Variants in RIMS2 observed in about 807,000 individuals in gnomAD.
RIMS2 encodes the protein regulating synaptic membrane exocytosis protein 2.
Under a neutral mutation model 174.4 loss-of-function variants are expected in RIMS2, and 59 were observed. That is an observed-to-expected ratio of 0.34 (90% confidence interval 0.27 to 0.42). The LOEUF (loss-of-function observed/expected upper bound fraction) is 0.42. RIMS2 is among the 10% of genes least tolerant of loss of function. RIMS2 has a pLI of 1.00. For missense variants in RIMS2, 1,620 were observed against 1,666.3 expected, an observed-to-expected ratio of 0.97 and a Z score of 0.48; for synonymous variants, 606 against 572.5, an observed-to-expected ratio of 1.06 and a Z score of -0.84.
chr8:103,748,120 A>G (rs968324777), intron 2 of RIMS2, among the ~76,000 whole-genome samples: 1 of 152,052 alleles, frequency 6.6e-6, no homozygotes, highest in Non-Finnish European at 1.5e-5. Context: ...TGGAGGATCT[A>G]AAAGAGTTTT....
chr8:104,223,462 G>T (rs1349897246), intron 19 of RIMS2: 1 of 1,375,858 alleles, frequency 7.3e-7, no homozygotes, highest in Non-Finnish European at 9.3e-7. Context: ...CAATAAATTG[G>T]AGGTCCCGGC....
chr8:103,736,754 A>T (rs749177537), intron 2 of RIMS2, among the ~76,000 whole-genome samples: 1 of 152,182 alleles, frequency 6.6e-6, no homozygotes, highest in Non-Finnish European at 1.5e-5. Flanking sequence ...AACATAATAT[A>T]ATGGCCTATA....
chr8:103,525,222 A>G (rs1341042839), intron 1 of RIMS2, among the ~76,000 whole-genome samples: 1 of 152,228 alleles, frequency 6.6e-6, no homozygotes. Context: ...GGGCTGGTAG[A>G]AAAACTTTGA....
chr8:104,121,448 AT>A (rs2098373112), intron 19 of RIMS2, among the ~76,000 whole-genome samples: 1 of 152,144 alleles, frequency 6.6e-6, no homozygotes, highest in Non-Finnish European at 1.5e-5. Flanking sequence ...TAATGGTAAT[AT>A]TTTGTCATGA....
At chr8:103,834,684 CTTTCTTTCTTTCTTTCTTTCTTT>C (rs2098849096) in intron 3 of RIMS2, among the ~76,000 whole-genome samples, 2 of 50,702 alleles carry the variant, frequency 3.9e-5, no homozygotes, top group Admixed American at 2.9e-4. Flanking sequence ...CTTTTTCTTT[CTTTCTTTCTTTCTTTCTTTCTTT>C]CTTTCTTTCT....
rs182717133 is a variant in RIMS2 at position 103,547,297 on chromosome 8, G to A, written c.176+46235G>A. On this transcript the variant is annotated intron_variant, in intron 1 of 23. Transcript: ENST00000504942. ...TCTCTAGAGCTCTGTATCTTGTCAC[G>A]CATTGCTGGCTTTCAACAAATGTTG... 5.3e-4 allele frequency among the ~76,000 whole-genome samples: 80 copies of A among 152,174 alleles called. 1 individual carries two copies. Among genetic ancestry groups the A allele is most frequent in the African/African-American group, 1.8e-3 (73 of 41,518 alleles).
intron 2 of RIMS2, among the ~76,000 whole-genome samples, chr8:103,757,905 C>G (rs1225412934): frequency 6.6e-6 from 1 of 152,194 alleles, no homozygotes; most frequent in Non-Finnish European, 1.5e-5. Flanking sequence ...AGACAAGGAA[C>G]TGGTTTTCCC....
chr8:104,151,162 T>A (rs1304571347), intron 19 of RIMS2, among the ~76,000 whole-genome samples: 1 of 152,202 alleles, frequency 6.6e-6, no homozygotes, highest in East Asian at 1.9e-4. Context: ...TTTACCTGAT[T>A]AAGTGACTGA....
At chr8:103,639,855 CATT>C (rs2096184652) in intron 1 of RIMS2, among the ~76,000 whole-genome samples, 3 of 151,832 alleles carry the variant, frequency 2.0e-5, no homozygotes, top group Non-Finnish European at 2.9e-5. Context: ...AACTTTGAGT[CATT>C]GTTGATATGC....
intron 19 of RIMS2, among the ~76,000 whole-genome samples, chr8:104,166,122 A>G (rs2135131395): frequency 7.3e-6 from 1 of 137,708 alleles, no homozygotes. Flanking sequence ...GCTGGAGTGC[A>G]GTGGCGTGAT....
intron 1 of RIMS2, among the ~76,000 whole-genome samples, chr8:103,677,940 T>C (rs1277219421): frequency 6.6e-6 from 1 of 152,206 alleles, no homozygotes; most frequent in Non-Finnish European, 1.5e-5. Flanking sequence ...TTTATTTATC[T>C]GTGCTTTGCT....
At chr8:103,507,478 C>T (rs189263272) in intron 1 of RIMS2, among the ~76,000 whole-genome samples, 22 of 152,018 alleles carry the variant, frequency 1.4e-4, no homozygotes, top group Admixed American at 1.3e-3. Flanking sequence ...GGTGAATGAA[C>T]GCACATTGGG....
intron 19 of RIMS2, among the ~76,000 whole-genome samples, chr8:104,100,963 T>TGATATAG (rs1555225608): frequency 1.6e-5 from 2 of 125,714 alleles, no homozygotes; most frequent in Non-Finnish European, 3.3e-5. Context: ...ATATGATATA[T>TGATATAG]TATATAGTAT....
intron 19 of RIMS2, among the ~76,000 whole-genome samples, chr8:104,071,211 T>C (rs1427896177): frequency 6.6e-6 from 1 of 152,230 alleles, no homozygotes; most frequent in Non-Finnish European, 1.5e-5. Context: ...AATAAATGAA[T>C]GCTTAAGGCT....
At chr8:103,935,163 G>A (rs2080962294) in intron 12 of RIMS2, among the ~76,000 whole-genome samples, 1 of 152,110 alleles carries the variant, frequency 6.6e-6, no homozygotes, top group African/African-American at 2.4e-5. Context: ...ACGAAAGGAG[G>A]GAGAGAAAGA....
At chr8:103,777,438 A>G (rs374415686) in intron 3 of RIMS2, among the ~76,000 whole-genome samples, 1 of 151,990 alleles carries the variant, frequency 6.6e-6, no homozygotes, top group South Asian at 2.1e-4. Context: ...TCATCAATAG[A>G]AATTTCTGAA....
chr8:104,008,485 T>TTGTGTGTG lies in RIMS2; in HGVS notation c.3045-4939_3045-4932dup, dbSNP rs150330985. 1.5e-3 allele frequency among the ~76,000 whole-genome samples: 227 copies of TTGTGTGTG among 148,438 alleles called. 1 individual carries two copies. Among genetic ancestry groups the TTGTGTGTG allele is most frequent in the African/African-American group, 4.8e-3 (197 of 40,760 alleles). On this transcript the variant is annotated intron_variant, in intron 17 of 23. Transcript: ENST00000504942. The stretch of plus-strand genomic sequence containing the variant: ...TTCAAAATATTTACATCTTATATGT[T>TTGTGTGTG]TGTGTGTGTGTGTGTGTGTGTGTGT...
In RIMS2 at chr8:103,876,909, T is replaced by TATATACACAC. The variant is rs71297243; in HGVS notation, c.699-8388_699-8387insTATACACACA. Among the ~76,000 whole-genome samples, 149 of 65,940 alleles carry TATATACACAC rather than the reference T, an allele frequency of 2.3e-3. 1 individual carries two copies. The highest frequency in any genetic ancestry group is 4.7e-3 in the Non-Finnish European group (127 of 27,280). The allele number at this position is 65,940 out of a possible 152,430, so 43.3% of individuals were successfully genotyped here. The stretch of plus-strand genomic sequence containing the variant: ...ATATATATATATATATATATATATA[T>TATATACACAC]ACACACACACCCCCATATACATAAC... On this transcript the variant is annotated intron_variant, in intron 3 of 23. Transcript: ENST00000504942.
rs188069775 is a variant in RIMS2 at position 103,878,203 on chromosome 8, G to A, written c.699-7095G>A. ...CTTTTCTTCTCCTTCTGCTGTGATT[G>A]TAAGTTTCCTGAGGCCTCCACAGCC... On this transcript the variant is annotated intron_variant, in intron 3 of 23. Coordinates refer to ENST00000504942, the Ensembl canonical transcript of RIMS2. 2.6e-5 allele frequency among the ~76,000 whole-genome samples: 4 copies of A among 151,952 alleles called. No individual in the cohort carries two copies. The East Asian group carries it at 7.7e-4, about 29-fold the overall frequency.
Sources: gnomAD v4.1 joint callset for allele counts (sites outside exome capture counted in the v4.1 genomes callset) on GRCh38, gnomAD v4.1.1 for gene constraint, MANE v1.5 for transcripts, NCBI Gene and HGNC (gene_info 2026-07-23, HGNC 2026-07-21) for gene names.